The following ZC3H3 variants were observed in gnomAD, a reference collection of about 807,000 sequenced individuals.
The protein encoded by ZC3H3 is zinc finger CCCH domain-containing protein 3.
Under a neutral mutation model 77.3 loss-of-function variants are expected in ZC3H3, and 36 were observed. That is an observed-to-expected ratio of 0.47 (90% CI 0.36 to 0.61). ZC3H3 has a LOEUF of 0.61. Among genes scored for constraint, ZC3H3 ranks in the 20% least tolerant of loss-of-function variants. The probability of loss-of-function intolerance (pLI) is 0.00; values close to 1 mark genes in which losing one functional copy is unlikely to be tolerated. For missense variants in ZC3H3, 1,331 were observed against 1,312.2 expected (o/e 1.01, Z -0.22); for synonymous variants, 626 against 555.2 (o/e 1.13, Z -1.79).
chr8:143,519,796 A>AGTC (rs1822182688), intron 3 of ZC3H3, among the ~76,000 whole-genome samples: 1 of 152,160 alleles, frequency 6.6e-6, no homozygotes, highest in South Asian at 2.1e-4. Flanking sequence ...ATCCATGCAC[A>AGTC]GGACTCATCA....
rs1402862355 is a variant in ZC3H3, at chr8:143,533,689, T to TC, written c.1561+2567_1561+2568insG. Among the ~76,000 whole-genome samples, 2 of 149,406 alleles carry TC rather than the reference T, an allele frequency of 1.3e-5. No homozygotes were observed. The highest frequency in any genetic ancestry group is 5.0e-5 in the African/African-American group (2 of 40,230). Reference sequence around the variant, plus strand: ...CCATGCAGCCGCCACGCTGGTCTTTTTTTTTTTTTTTTTTTGAGACAAAAT... The same window carrying TC: ...CCATGCAGCCGCCACGCTGGTCTTTTCTTTTTTTTTTTTTTTGAGACAAAAT... On this transcript the variant is annotated intron_variant, in intron 3 of 11. Transcript: ENST00000262577. This position sits in a 1 kb window ranked among gnomAD's most constrained non-coding sequence, Gnocchi z 4.0.
intron 9 of ZC3H3, among the ~76,000 whole-genome samples, chr8:143,459,725 T>C (rs1252083927): frequency 6.6e-6 from 1 of 152,094 alleles, no homozygotes; most frequent in Non-Finnish European, 1.5e-5. Context: ...ATCATTTCAA[T>C]TGATCTACAA....
rs537339288 is a variant in ZC3H3 at position 143,462,704 on chromosome 8, G to A, written c.2307+3013C>T. 3.3e-5 allele frequency among the ~76,000 whole-genome samples: 5 copies of A among 152,326 alleles called. No individual in the cohort carries two copies. Among genetic ancestry groups the A allele is most frequent in the South Asian group, 4.1e-4 (2 of 4,826 alleles). On this transcript the variant is annotated intron_variant, in intron 9 of 11. Transcript: ENST00000262577. This position sits in a 1 kb window ranked among gnomAD's most constrained non-coding sequence, Gnocchi z 4.7. The stretch of plus-strand genomic sequence containing the variant: ...CAGGGTGTGGGGAAAACGGCAGCGC[G>A]GAGGCTCACGGAGCAGGCACTGCAG...
rs560547902 is a variant in ZC3H3 at position 143,465,430 on chromosome 8, C to A, written c.2307+287G>T. Among the ~76,000 whole-genome samples, 51 of 152,334 alleles carry A rather than the reference C, an allele frequency of 3.3e-4. 1 individual carries two copies. The South Asian group carries it at 1.0e-2, about 30-fold the overall frequency. On this transcript the variant is annotated intron_variant, in intron 9 of 11. Coordinates refer to ENST00000262577, the MANE Select transcript of ZC3H3 (RefSeq NM_015117.3). Reference sequence around the variant, plus strand: ...GAGCTGCTCCGGCCCAGTCACCACACCCCTACCATGGGGGGCCAGCTCCTG... The same window carrying A: ...GAGCTGCTCCGGCCCAGTCACCACAACCCTACCATGGGGGGCCAGCTCCTG...
intron 3 of ZC3H3, among the ~76,000 whole-genome samples, chr8:143,520,399 G>T (rs1444799195): frequency 6.6e-6 from 1 of 152,194 alleles, no homozygotes; most frequent in Non-Finnish European, 1.5e-5. Flanking sequence ...CACCAGGAAA[G>T]CCTGGGGGTG....
At chr8:143,485,875 C>T (rs887114241) in intron 4 of ZC3H3, among the ~76,000 whole-genome samples, 15 of 152,256 alleles carry the variant, frequency 9.9e-5, no homozygotes, top group Non-Finnish European at 2.1e-4. Context: ...CAATGCCAGC[C>T]AGCGGGATGG....
Position 143,507,817 on chromosome 8 carries a change from G to C in ZC3H3, c.1644C>G (p.Ala548=). The change falls in exon 4 of 12, where the codon GCC becomes GCG. Residue 548 remains alanine (A), a synonymous_variant. Coordinates refer to ENST00000262577, the MANE Select transcript of ZC3H3 (RefSeq NM_015117.3). The part of the protein sequence containing the change: ...TRYRIVKKTP[A]SPLSAPPFPL... ...GGAAGGGCGGGGCGCTGAGAGGCGA[G>C]GCCGGCGTCTTCTTGACAATGCGGT... 1 of 1,609,240 alleles carries C rather than the reference G, an allele frequency of 6.2e-7. No homozygotes were observed. The highest frequency in any genetic ancestry group is 8.5e-7 in the Non-Finnish European group (1 of 1,178,772).
At chr8:143,439,417 T>C (rs1462017365) in intron 11 of ZC3H3, among the ~76,000 whole-genome samples, 1 of 151,684 alleles carries the variant, frequency 6.6e-6, no homozygotes, top group African/African-American at 2.4e-5. Context: ...CTGCGTGGGG[T>C]TTATCGTCAC....
At chr8:143,541,073 G>A (rs1365285099) in intron 1 of ZC3H3, among the ~76,000 whole-genome samples, 1 of 152,214 alleles carries the variant, frequency 6.6e-6, no homozygotes, top group African/African-American at 2.4e-5. Flanking sequence ...GGGCGCCGGG[G>A]GACGCGACAG....
chr8:143,483,107 C>T (rs1055383592), intron 4 of ZC3H3, among the ~76,000 whole-genome samples: 2 of 152,164 alleles, frequency 1.3e-5, no homozygotes, highest in Non-Finnish European at 2.9e-5. Flanking sequence ...GCTTGGAGCC[C>T]GAGCGGGGAG....
intron 9 of ZC3H3, among the ~76,000 whole-genome samples, chr8:143,464,913 G>T (rs1041977435): frequency 2.6e-5 from 4 of 152,140 alleles, no homozygotes; most frequent in East Asian, 1.9e-4. Context: ...AGAAACAGGC[G>T]TGAGAGGCTG....
chr8:143,500,138 C>G (rs1310189036), intron 4 of ZC3H3, among the ~76,000 whole-genome samples: 1 of 152,086 alleles, frequency 6.6e-6, no homozygotes, highest in Non-Finnish European at 1.5e-5. Flanking sequence ...GAGCCCCACA[C>G]AGATCCATCC....
In ZC3H3 at chr8:143,535,827, G is replaced by C. The variant is rs565406251; in HGVS notation, c.1561+430C>G. On this transcript the variant is annotated intron_variant, in intron 3 of 11. Transcript: ENST00000262577. ...ACTCAAAAAACTCACACAGTACCATGTGACACTCAGAAAGGGCAGGGCAGG... is the reference window on the plus strand; with the variant it reads ...ACTCAAAAAACTCACACAGTACCATCTGACACTCAGAAAGGGCAGGGCAGG... 3.9e-5 allele frequency among the ~76,000 whole-genome samples: 6 copies of C among 152,368 alleles called. No homozygotes were observed. In the South Asian group the frequency reaches 1.2e-3, roughly 32 times the overall value.
chr8:143,489,183 A>G (rs1370043588), intron 4 of ZC3H3, among the ~76,000 whole-genome samples: 1 of 152,232 alleles, frequency 6.6e-6, no homozygotes, highest in African/African-American at 2.4e-5. Context: ...GGAGCCTTCC[A>G]GGCTGCAGAC....
At chr8:143,486,032 T>C (rs1800706371) in intron 4 of ZC3H3, among the ~76,000 whole-genome samples, 1 of 152,166 alleles carries the variant, frequency 6.6e-6, no homozygotes. Context: ...AAGCTCAGTG[T>C]CCATCACCCT....
intron 3 of ZC3H3, among the ~76,000 whole-genome samples, chr8:143,517,088 G>A (rs192644813): frequency 6.6e-6 from 1 of 152,348 alleles, no homozygotes; most frequent in Non-Finnish European, 1.5e-5. Flanking sequence ...CTATTAAAGG[G>A]AAGATTGAGA....
intron 3 of ZC3H3, among the ~76,000 whole-genome samples, chr8:143,528,398 T>C (rs1468440015): frequency 6.6e-6 from 1 of 152,182 alleles, no homozygotes; most frequent in Non-Finnish European, 1.5e-5. Context: ...CAAGCTTCCA[T>C]CCTCAGGCTC....
At chr8:143,442,354 C>T (rs1420332736) in intron 9 of ZC3H3, among the ~76,000 whole-genome samples, 4 of 139,928 alleles carry the variant, frequency 2.9e-5, no homozygotes, top group South Asian at 2.3e-4. Flanking sequence ...CAGGGGCCTG[C>T]GGCTGGAGAG....
At position 143,530,675 on chromosome 8, in the gene ZC3H3, C is replaced by T. The variant is rs566038458; in HGVS notation, c.1561+5582G>A. ...CGACGGGCCCCAGGAGGATGTACCA[C>T]GAAGCTGGCCCCACTTCCCCCGCAC... is the stretch of plus-strand genomic sequence containing the variant. On this transcript the variant is annotated intron_variant, in intron 3 of 11. Transcript: ENST00000262577. The surrounding 1 kb of genome is among the most constrained non-coding windows in gnomAD (Gnocchi z 4.3). 2.6e-5 allele frequency among the ~76,000 whole-genome samples: 4 copies of T among 152,258 alleles called. No homozygotes were observed. The South Asian group carries it at 6.2e-4, about 24-fold the overall frequency.
Sources: allele counts gnomAD v4.1 joint callset (sites outside exome capture counted in the v4.1 genomes callset), GRCh38; gene constraint gnomAD v4.1.1; non-coding constraint Gnocchi (gnomAD v3.1); transcripts MANE v1.5; gene names NCBI Gene and HGNC (gene_info 2026-07-23, HGNC 2026-07-21).